The following CDH20 variants were observed in gnomAD, a reference collection of about 807,000 sequenced individuals.
CDH20 encodes the protein cadherin-20.
CDH20 carries 29 observed loss-of-function variants against 74.2 expected under a neutral mutation model. The ratio of observed to expected loss-of-function variants is 0.39; its 90% CI spans 0.29 to 0.53. The LOEUF (loss-of-function observed/expected upper bound fraction) is 0.53, where lower values mean the gene tolerates loss of function less well. CDH20 is among the 20% of genes least tolerant of loss of function. CDH20 has a pLI of 0.69. For synonymous variants in CDH20, 469 were observed against 405.4 expected (o/e 1.16, Z -1.88); for missense variants, 988 against 1,048.3 (o/e 0.94, Z 0.79).
intron 2 of CDH20, among the ~76,000 whole-genome samples, chr18:61,494,531 T>C (rs1911065660): frequency 6.6e-6 from 1 of 152,200 alleles, no homozygotes; most frequent in Admixed American, 6.5e-5. Flanking sequence ...TATTCACTTT[T>C]CCCTTTTACT....
chr18:61,409,263 A>G lies in CDH20; in HGVS notation c.-153+75436A>G, dbSNP rs572564612. ...CACTGTGGAGAAGGGAGGTCCCCACAGTGCTTCTGTGCCCCCACCCCGCAT... is the reference window on the plus strand; with the variant it reads ...CACTGTGGAGAAGGGAGGTCCCCACGGTGCTTCTGTGCCCCCACCCCGCAT... On this transcript the variant is annotated intron_variant, in intron 1 of 11. Transcript: ENST00000262717. Among the ~76,000 whole-genome samples the G allele has an allele frequency of 2.6e-5, 4 of 152,324 alleles. No homozygotes were observed. The South Asian group carries it at 8.3e-4, about 32-fold the overall frequency.
intron 1 of CDH20, among the ~76,000 whole-genome samples, chr18:61,345,752 G>C (rs191920414): frequency 7.6e-4 from 115 of 152,244 alleles, no homozygotes; most frequent in Non-Finnish European, 1.5e-3. Context: ...TGAATCATGG[G>C]AAACATCTCT....
At chr18:61,392,232 C>G (rs372484271) in intron 1 of CDH20, among the ~76,000 whole-genome samples, 1 of 137,206 alleles carries the variant, frequency 7.3e-6, no homozygotes, top group Non-Finnish European at 1.5e-5. Context: ...CTGTGTGGAA[C>G]CTTCTTGCTC....
At chr18:61,519,146 T>C (rs549608901) in intron 6 of CDH20, among the ~76,000 whole-genome samples, 9 of 151,506 alleles carry the variant, frequency 5.9e-5, no homozygotes, top group Non-Finnish European at 1.3e-4. Flanking sequence ...CTACATTTGT[T>C]TGTTGTACCT....
chr18:61,413,714 TAAA>T (rs554425799), intron 1 of CDH20, among the ~76,000 whole-genome samples: 2 of 144,088 alleles, frequency 1.4e-5, no homozygotes, highest in South Asian at 2.2e-4. Context: ...GTGGAAATGT[TAAA>T]AAAAAAAAAA....
At chr18:61,339,701 T>TTTTTTTTTC (rs58434671) in intron 1 of CDH20, among the ~76,000 whole-genome samples, 1 of 122,944 alleles carries the variant, frequency 8.1e-6, no homozygotes, top group Non-Finnish European at 1.6e-5. Flanking sequence ...TTTTTTTTTT[T>TTTTTTTTTC]TTTTGAGATG....
At chr18:61,443,173 T>C (rs1035182226) in intron 1 of CDH20, among the ~76,000 whole-genome samples, 2 of 152,144 alleles carry the variant, frequency 1.3e-5, no homozygotes, top group African/African-American at 4.8e-5. Context: ...CAATTGTGCT[T>C]GTTCAGTGAG....
intron 1 of CDH20, among the ~76,000 whole-genome samples, chr18:61,347,288 AT>A (rs1246940194): frequency 0.041 from 1,074 of 25,994 alleles, 25 homozygotes; most frequent in African/African-American, 0.12. Flanking sequence ...GTCTCTGCTA[AT>A]ATATATATAT....
intron 7 of CDH20, among the ~76,000 whole-genome samples, chr18:61,530,735 G>T (rs1568179026): frequency 6.6e-6 from 1 of 152,142 alleles, no homozygotes; most frequent in Non-Finnish European, 1.5e-5. Context: ...CATGCTCAAG[G>T]ACTTTTTGGC....
chr18:61,552,175 G>T (rs1424349362), intron 11 of CDH20, among the ~76,000 whole-genome samples: 2 of 149,980 alleles, frequency 1.3e-5, no homozygotes, highest in East Asian at 2.0e-4. Context: ...GACTTCCTGG[G>T]TTTTTTTTTT....
intron 9 of CDH20, among the ~76,000 whole-genome samples, chr18:61,544,502 G>A (rs1400459174): frequency 6.6e-6 from 1 of 152,224 alleles, no homozygotes. Context: ...GTGGTTCTTA[G>A]TTAAATGGAT....
intron 1 of CDH20, among the ~76,000 whole-genome samples, chr18:61,373,279 G>T (rs1381782197): frequency 6.6e-6 from 1 of 151,804 alleles, no homozygotes; most frequent in African/African-American, 2.4e-5. Flanking sequence ...CTACTTTGGG[G>T]TTTTGTTTTG....
rs1386032645 is a variant in CDH20 at position 61,554,847 on chromosome 18, T to A, written c.*152T>A. On this transcript the variant is annotated 3_prime_UTR_variant, in exon 12 of 12. Transcript: ENST00000262717. Reference sequence around the variant, plus strand: ...AGAGCTCTCTCTGGATCAGCTTTACTTGGGTAGATTAAGTTAAATAAGCAA... The same window carrying A: ...AGAGCTCTCTCTGGATCAGCTTTACATGGGTAGATTAAGTTAAATAAGCAA... 20 of 1,413,310 alleles carry A rather than the reference T, an allele frequency of 1.4e-5. No homozygotes were observed. Among genetic ancestry groups the A allele is most frequent in the Non-Finnish European group, 1.8e-5 (20 of 1,086,862 alleles). The allele number at this position is 1,413,310 out of a possible 1,614,324, so 87.5% of individuals were successfully genotyped here. A position where few individuals can be genotyped will look rare whatever the true frequency, so the allele number is the denominator to read the frequency against.
intron 1 of CDH20, among the ~76,000 whole-genome samples, chr18:61,424,746 A>G (rs1469676677): frequency 1.3e-5 from 2 of 152,176 alleles, no homozygotes; most frequent in Non-Finnish European, 2.9e-5. Flanking sequence ...AACCTGATAT[A>G]AGAACCTACC....
At chr18:61,417,341 G>C (rs1481372281) in intron 1 of CDH20, among the ~76,000 whole-genome samples, 1 of 152,010 alleles carries the variant, frequency 6.6e-6, no homozygotes, top group African/African-American at 2.4e-5. Context: ...TAATATCACT[G>C]TTTATTGCAG....
At chr18:61,500,622 C>T in intron 4 of CDH20, 120 bp downstream of exon 4, 1 of 1,035,356 alleles carries the variant, frequency 9.7e-7, no homozygotes, top group Non-Finnish European at 1.4e-6. Context: ...CCAGAGAAGA[C>T]TGCTCTTAGC....
intron 6 of CDH20, 100 bp downstream of exon 6, chr18:61,507,660 T>A: frequency 1.3e-6 from 1 of 754,668 alleles, no homozygotes; most frequent in South Asian, 2.8e-5. Context: ...TTGCTTCAAA[T>A]CATCTGATAA....
chr18:61,405,308 T>G, intron 1 of CDH20: 1 of 279,294 alleles, frequency 3.6e-6, no homozygotes, highest in Non-Finnish European at 6.8e-6. Context: ...TGATATAGGG[T>G]TGGGTTTGGT....
At chr18:61,508,339 C>T (rs1911653192) in intron 6 of CDH20, among the ~76,000 whole-genome samples, 1 of 152,114 alleles carries the variant, frequency 6.6e-6, no homozygotes, top group African/African-American at 2.4e-5. Flanking sequence ...ATGGAGTTTA[C>T]ATTCTAGCAA....
Sources: allele counts gnomAD v4.1 joint callset (sites outside exome capture counted in the v4.1 genomes callset), GRCh38; gene constraint gnomAD v4.1.1; transcripts MANE v1.5; gene names NCBI Gene and HGNC (gene_info 2026-07-23, HGNC 2026-07-21).